Variants in CCDC178 observed in about 807,000 individuals in gnomAD.
The protein encoded by CCDC178 is coiled-coil domain containing 178, also known as coiled-coil domain-containing protein 178.
CCDC178 carries 126 observed loss-of-function variants against 117.4 expected under a neutral mutation model. The ratio of observed to expected loss-of-function variants is 1.07; its 90% CI spans 0.93 to 1.24. The LOEUF (loss-of-function observed/expected upper bound fraction) is 1.24. Ranked by LOEUF, CCDC178 falls within the 50% of genes most tolerant of loss-of-function variation. The pLI is 0.00. For synonymous variants in CCDC178, 283 were observed against 313.4 expected (o/e 0.90, Z 1.02); for missense variants, 1,030 against 986.9 (o/e 1.04, Z -0.59).
chr18:33,054,221 A>G (rs2056790334), intron 21 of CCDC178, among the ~76,000 whole-genome samples: 1 of 152,152 alleles, frequency 6.6e-6, no homozygotes, highest in Admixed American at 6.6e-5. Context: ...GAGCTGTGTC[A>G]TCAAATCAAA....
rs1296569103 is a variant in CCDC178 at position 33,224,168 on chromosome 18, A to AATAAATAT, written c.1818+599_1818+606dup. On this transcript the variant is annotated intron_variant, in intron 17 of 22. Coordinates refer to ENST00000383096, the MANE Select transcript of CCDC178 (RefSeq NM_001105528.4). ...AAAGTTCTGGTGCCGAAATGTCTCA[A>AATAAATAT]ATAAATATATGTATGGCCTCCCTGC... Among the ~76,000 whole-genome samples, 9 of 152,310 alleles carry AATAAATAT rather than the reference A, an allele frequency of 5.9e-5. No individual in the cohort carries two copies. In the East Asian group the frequency reaches 1.7e-3, roughly 29 times the overall value.
chr18:33,193,246 G>C (rs2626368), intron 20 of CCDC178, among the ~76,000 whole-genome samples: 4 of 105,016 alleles, frequency 3.8e-5, no homozygotes. Context: ...CTGGGCAACA[G>C]AGCGAGACTC....
chr18:33,153,419 C>T (rs922146702), intron 20 of CCDC178, among the ~76,000 whole-genome samples: 2 of 151,802 alleles, frequency 1.3e-5, no homozygotes, highest in Non-Finnish European at 2.9e-5. Context: ...AACAAATACA[C>T]AGGGAAAGAA....
chr18:33,367,576 A>AT (rs946759156), intron 6 of CCDC178, among the ~76,000 whole-genome samples: 5 of 151,882 alleles, frequency 3.3e-5, no homozygotes, highest in African/African-American at 4.8e-5. Flanking sequence ...TAATGGGAAG[A>AT]TTTTTTTCTT....
chr18:33,186,280 G>A (rs1009980975), intron 20 of CCDC178, among the ~76,000 whole-genome samples: 12 of 152,036 alleles, frequency 7.9e-5, no homozygotes, highest in African/African-American at 2.9e-4. Flanking sequence ...ATGAGTAAAA[G>A]AGTGTGTATG....
At chr18:33,177,317 C>T (rs1376479692) in intron 20 of CCDC178, among the ~76,000 whole-genome samples, 2 of 152,028 alleles carry the variant, frequency 1.3e-5, no homozygotes, top group African/African-American at 4.8e-5. Flanking sequence ...ACATATGTAA[C>T]AAACCTGCAC....
At chr18:33,371,097 C>T (rs530795117) in intron 5 of CCDC178, among the ~76,000 whole-genome samples, 1 of 151,996 alleles carries the variant, frequency 6.6e-6, no homozygotes, top group East Asian at 1.9e-4. Flanking sequence ...AATGCCAACC[C>T]ACAGAGATGG....
chr18:33,326,298 T>A (rs1230062331), intron 10 of CCDC178, among the ~76,000 whole-genome samples: 1 of 152,098 alleles, frequency 6.6e-6, no homozygotes, highest in Non-Finnish European at 1.5e-5. Flanking sequence ...CTGGGGCCTG[T>A]CTCTGTTGAG....
At chr18:33,364,044 C>T (rs2063166106) in intron 6 of CCDC178, among the ~76,000 whole-genome samples, 1 of 152,048 alleles carries the variant, frequency 6.6e-6, no homozygotes, top group African/African-American at 2.4e-5. Flanking sequence ...TGTTGAGATT[C>T]ATCCTCTTGA....
chr18:33,140,737 T>A (rs1261393574), intron 20 of CCDC178, among the ~76,000 whole-genome samples: 1 of 152,166 alleles, frequency 6.6e-6, no homozygotes, highest in Non-Finnish European at 1.5e-5. Flanking sequence ...TTTTGATTAA[T>A]ACCAAAATGA....
chr18:33,240,794 T>C (rs2059478223), intron 15 of CCDC178, among the ~76,000 whole-genome samples: 1 of 151,894 alleles, frequency 6.6e-6, no homozygotes, highest in African/African-American at 2.4e-5. Flanking sequence ...ATTGAAACAA[T>C]TTCTTCTGAA....
rs367664641 is a variant in CCDC178, at chr18:33,251,890, T to G, written c.1410-6462A>C. Reference sequence around the variant, plus strand: ...TCAATGAAGAAAGCTGCTGGTTTAGTTAGGGATAGGGCTTTTCAAGTCATA... The same window carrying G: ...TCAATGAAGAAAGCTGCTGGTTTAGGTAGGGATAGGGCTTTTCAAGTCATA... On this transcript the variant is annotated intron_variant, in intron 14 of 22. Coordinates refer to ENST00000383096, the MANE Select transcript of CCDC178 (RefSeq NM_001105528.4). Among the ~76,000 whole-genome samples the G allele has an allele frequency of 2.4e-4, 37 of 151,876 alleles. 1 individual carries two copies. In the East Asian group the frequency reaches 4.8e-3, roughly 20 times the overall value.
At chr18:33,365,873 C>A (rs2063198305) in intron 6 of CCDC178, among the ~76,000 whole-genome samples, 1 of 151,942 alleles carries the variant, frequency 6.6e-6, no homozygotes, top group South Asian at 2.1e-4. Flanking sequence ...AGAAGATATT[C>A]AGATGATTAT....
intron 21 of CCDC178, among the ~76,000 whole-genome samples, chr18:33,046,527 A>C (rs748691967): frequency 1.3e-5 from 2 of 152,132 alleles, no homozygotes; most frequent in Admixed American, 6.6e-5. Context: ...AGTATAAGCA[A>C]AAAAATAACC....
At chr18:32,959,286 A>T (rs546721249) in intron 22 of CCDC178, among the ~76,000 whole-genome samples, 2 of 152,250 alleles carry the variant, frequency 1.3e-5, no homozygotes, top group South Asian at 2.1e-4. Context: ...AGTTTCTTAC[A>T]TGAATGAAAA....
At chr18:33,350,367 A>T (rs1227646287) in intron 7 of CCDC178, among the ~76,000 whole-genome samples, 1 of 152,082 alleles carries the variant, frequency 6.6e-6, no homozygotes, top group Non-Finnish European at 1.5e-5. Flanking sequence ...TCGTACAACT[A>T]TCATCCCATC....
chr18:33,412,022 T>C lies in CCDC178; in HGVS notation c.58+9A>G, dbSNP rs1473481079. The C allele has an allele frequency of 7.2e-7, 1 of 1,388,462 alleles. No homozygotes were observed. The highest frequency in any genetic ancestry group is 1.0e-6 in the Non-Finnish European group (1 of 997,030). The allele number at this position is 1,388,462 out of a possible 1,614,324, so 86.0% of individuals were successfully genotyped here. A position where few individuals can be genotyped will look rare whatever the true frequency, so the allele number is the denominator to read the frequency against. ...ATTTTCAAAGAAAATCAATTTATGA[T>C]AAACTTACCTATATTGGTTTGATCA... On this transcript the variant is annotated intron_variant, in intron 3 of 22. Transcript: ENST00000383096.
At chr18:33,299,787 A>G (rs1183897448) in intron 11 of CCDC178, among the ~76,000 whole-genome samples, 56 of 142,566 alleles carry the variant, frequency 3.9e-4, no homozygotes, top group African/African-American at 1.4e-3. Flanking sequence ...AAAAAAAAAC[A>G]CAAAAAACAA....
chr18:33,272,288 A>T (rs2144788449), intron 12 of CCDC178, among the ~76,000 whole-genome samples: 1 of 151,708 alleles, frequency 6.6e-6, no homozygotes, highest in Non-Finnish European at 1.5e-5. Context: ...ATGCCAACAA[A>T]TTAGATAAAC....
Sources: gnomAD v4.1 joint callset for allele counts (sites outside exome capture counted in the v4.1 genomes callset) on GRCh38, gnomAD v4.1.1 for gene constraint, MANE v1.5 for transcripts, NCBI Gene and HGNC (gene_info 2026-07-23, HGNC 2026-07-21) for gene names.